Variants in PRRC1 observed in about 807,000 individuals in gnomAD.
The protein encoded by PRRC1 is protein PRRC1.
PRRC1 carries 39 observed loss-of-function variants against 40.7 expected under a neutral mutation model. The ratio of observed to expected loss-of-function variants is 0.96; its 90% CI spans 0.74 to 1.25. The LOEUF is 1.25. Among genes scored for constraint, PRRC1 ranks in the 50% most tolerant of loss-of-function variants. The probability of loss-of-function intolerance (pLI) is 0.00; values close to 1 mark genes in which losing one functional copy is unlikely to be tolerated. For missense variants in PRRC1, 573 were observed against 548.3 expected (o/e 1.05, Z -0.45); for synonymous variants, 175 against 193.3 (o/e 0.91, Z 0.79).
intron 5 of PRRC1, among the ~76,000 whole-genome samples, chr5:127,531,045 C>G (rs189400891): frequency 6.6e-6 from 1 of 152,152 alleles, no homozygotes; most frequent in Non-Finnish European, 1.5e-5. Context: ...CAAAATTGTG[C>G]AGCAGGTACC....
intron 7 of PRRC1, among the ~76,000 whole-genome samples, chr5:127,541,591 G>A: frequency 6.6e-6 from 1 of 152,030 alleles, no homozygotes; most frequent in Non-Finnish European, 1.5e-5. Flanking sequence ...CTTCTTCCTG[G>A]TTTAGTCTTG....
intron 6 of PRRC1, among the ~76,000 whole-genome samples, chr5:127,536,341 G>A (rs1287383279): frequency 2.0e-5 from 3 of 151,902 alleles, no homozygotes; most frequent in African/African-American, 7.3e-5. Flanking sequence ...ATGTATACAT[G>A]ATAATTGTAC....
intron 1 of PRRC1, among the ~76,000 whole-genome samples, chr5:127,522,804 T>C (rs1767494602): frequency 6.6e-6 from 1 of 152,078 alleles, no homozygotes; most frequent in African/African-American, 2.4e-5. Flanking sequence ...GAGATCTTGC[T>C]CTGTCACGCA....
At chr5:127,520,288 TTACTTACTTCTGA>T (rs1200834301) in intron 1 of PRRC1, among the ~76,000 whole-genome samples, 2 of 152,244 alleles carry the variant, frequency 1.3e-5, no homozygotes, top group Non-Finnish European at 2.9e-5. Context: ...GTCTAGGTTG[TTACTTACTTCTGA>T]TGGAACTACT....
chr5:127,540,335 C>T (rs1444995204), intron 7 of PRRC1, among the ~76,000 whole-genome samples: 1 of 152,036 alleles, frequency 6.6e-6, no homozygotes, highest in African/African-American at 2.4e-5. Context: ...ACTAGTACTA[C>T]TTTTAATACT....
rs1203295592 is a variant in PRRC1 at position 127,533,646 on chromosome 5, G to T, written c.781G>T (p.Val261Leu). 1 of 1,613,964 alleles carries T rather than the reference G, an allele frequency of 6.2e-7. No homozygotes were observed. Among genetic ancestry groups the T allele is most frequent in the Non-Finnish European group, 8.5e-7 (1 of 1,179,908 alleles). ...AGAATCTGGAGGTGAACTGGATATT[G>T]TAGTGACCTCAAATAAAGAAGTAAA... Reference protein sequence around the residue: ...YIKSGGELDIVVTSNKEVKVA... With the variant: ...YIKSGGELDILVTSNKEVKVA... Residue 261 changes from valine to leucine, a missense_variant, in exon 6 of 9, where the codon GTA becomes TTA. Physicochemically the swap from Val to Leu is conservative, Grantham distance 32 (BLOSUM62 1). Transcript: ENST00000296666.
intron 1 of PRRC1, 178 bp downstream of exon 1, chr5:127,517,954 C>G (rs1767360362): frequency 6.6e-6 from 1 of 152,590 alleles, no homozygotes; most frequent in Admixed American, 6.5e-5. Flanking sequence ...CCAGGCTCAG[C>G]TGTGGCGGCG....
At chr5:127,533,999 G>C in intron 6 of PRRC1, 1 of 619,532 alleles carries the variant, frequency 1.6e-6, no homozygotes, top group Non-Finnish European at 2.9e-6. Context: ...TTGTGGGAGG[G>C]AAAGAAACAT....
chr5:127,554,193 G>T lies in PRRC1; in HGVS notation c.*2277G>T. ...TAAGATATGCTGATCATCAGTCTCA[G>T]GCCACAGTTTCCTTCACTAATCGTC... On this transcript the variant is annotated 3_prime_UTR_variant, in exon 9 of 9. Transcript: ENST00000296666. 1 of 219,864 alleles carries T rather than the reference G, an allele frequency of 4.5e-6. No individual in the cohort carries two copies. The highest frequency in any genetic ancestry group is 1.1e-4 in the South Asian group (1 of 9,480). 13.6% of individuals were successfully genotyped at this position (219,864 alleles called of 1,614,324 possible).
chr5:127,545,875 G>A (rs754003651), intron 7 of PRRC1, among the ~76,000 whole-genome samples: 5 of 151,786 alleles, frequency 3.3e-5, no homozygotes, highest in Admixed American at 1.3e-4. Flanking sequence ...TTTCTCTGTC[G>A]TTTTATTTTT....
chr5:127,523,874 C>G, intron 2 of PRRC1: 1 of 245,016 alleles, frequency 4.1e-6, no homozygotes, highest in South Asian at 1.2e-4. Context: ...GCTTTGTCTT[C>G]TGTTCTTTTT....
At position 127,554,187 on chromosome 5, in the gene PRRC1, G is replaced by A. The variant is rs138389909; in HGVS notation, c.*2271G>A. 35 of 227,170 alleles carry A rather than the reference G, an allele frequency of 1.5e-4. 1 individual carries two copies. The East Asian group carries it at 3.7e-3, about 24-fold the overall frequency. 14.1% of individuals were successfully genotyped at this position (227,170 alleles called of 1,614,324 possible). A position where few individuals can be genotyped will look rare whatever the true frequency, so the allele number is the denominator to read the frequency against. On this transcript the variant is annotated 3_prime_UTR_variant, in exon 9 of 9. Coordinates refer to ENST00000296666, the MANE Select transcript of PRRC1 (RefSeq NM_130809.5). ...TAGGCATAAGATATGCTGATCATCA[G>A]TCTCAGGCCACAGTTTCCTTCACTA... is the stretch of plus-strand genomic sequence containing the variant.
rs78941249 is a variant in PRRC1, at chr5:127,518,937, T to G, written c.-21+1161T>G. Among the ~76,000 whole-genome samples the G allele has an allele frequency of 6.0e-4, 91 of 152,326 alleles. 1 individual carries two copies. The East Asian group carries it at 0.013, about 22-fold the overall frequency. ...TCAGTATTGTTTTATCATAATAGGT[T>G]TTTTTAGTAGAAGGCACTATGTTTA... is the stretch of plus-strand genomic sequence containing the variant. On this transcript the variant is annotated intron_variant, in intron 1 of 8. Transcript: ENST00000296666.
intron 3 of PRRC1, among the ~76,000 whole-genome samples, chr5:127,525,709 A>G (rs1462761510): frequency 6.6e-6 from 1 of 152,122 alleles, no homozygotes; most frequent in African/African-American, 2.4e-5. Flanking sequence ...CATTTTTGCC[A>G]TTTAAATTAT....
chr5:127,549,792 A>G (rs1157235633), intron 8 of PRRC1: 1 of 152,218 alleles, frequency 6.6e-6, no homozygotes, highest in Non-Finnish European at 1.5e-5. Flanking sequence ...GTACTATAGC[A>G]GCAGAAATGA....
intron 6 of PRRC1, among the ~76,000 whole-genome samples, chr5:127,537,089 T>TGCCAAGTA (rs1361462255): frequency 6.6e-6 from 1 of 151,902 alleles, no homozygotes; most frequent in Non-Finnish European, 1.5e-5. Context: ...AGAACTTTTA[T>TGCCAAGTA]GCCAAGTATT....
chr5:127,517,652 G>C lies in PRRC1; in HGVS notation c.-145G>C. 1 of 151,584 alleles carries C rather than the reference G, an allele frequency of 6.6e-6. No homozygotes were observed. Among genetic ancestry groups the C allele is most frequent in the Admixed American group, 6.6e-5 (1 of 15,198 alleles). 9.4% of individuals were successfully genotyped at this position (151,584 alleles called of 1,614,324 possible). A position where few individuals can be genotyped will look rare whatever the true frequency, so the allele number is the denominator to read the frequency against. On this transcript the variant is annotated 5_prime_UTR_variant, in exon 1 of 9. Coordinates refer to ENST00000296666, the MANE Select transcript of PRRC1 (RefSeq NM_130809.5). ...GCCGCCCGTGGCCATCTTGTAGGCG[G>C]GGACACGCCGAGGTAACTTCCAGGG...
intron 2 of PRRC1, 191 bp downstream of exon 2, chr5:127,523,773 G>C (rs1561678749): frequency 2.4e-6 from 1 of 409,884 alleles, no homozygotes; most frequent in Non-Finnish European, 4.3e-6. Context: ...GAAAACATCA[G>C]TGTTTTGCTT....
At chr5:127,530,959 A>C (rs1351632129) in intron 5 of PRRC1, among the ~76,000 whole-genome samples, 1 of 152,200 alleles carries the variant, frequency 6.6e-6, no homozygotes, top group East Asian at 1.9e-4. Context: ...TTTTATGTAC[A>C]TATCCAATAT....
Sources: allele counts gnomAD v4.1 joint callset (sites outside exome capture counted in the v4.1 genomes callset), GRCh38; gene constraint gnomAD v4.1.1; transcripts MANE v1.5; gene names NCBI Gene and HGNC (gene_info 2026-07-23, HGNC 2026-07-21).